The following MSH3 variants were observed in gnomAD, a reference collection of about 807,000 sequenced individuals.
MSH3 encodes the protein mutS homolog 3.
In MSH3, 106 loss-of-function variants were observed where a neutral mutation model predicts 123.3. The ratio of observed to expected loss-of-function variants is 0.86; its 90% confidence interval spans 0.73 to 1.01. The LOEUF (loss-of-function observed/expected upper bound fraction) is 1.01, where lower values mean the gene tolerates loss of function less well. Among genes scored for constraint, MSH3 ranks in the 50% least tolerant of loss-of-function variants. The pLI is 0.00. For missense variants in MSH3, 1,459 were observed against 1,347.6 expected, an observed-to-expected ratio of 1.08 and a Z score of -1.29; for synonymous variants, 515 against 481.4, an observed-to-expected ratio of 1.07 and a Z score of -0.91.
At chr5:80,669,471 A>G (rs965721748) in intron 3 of MSH3, among the ~76,000 whole-genome samples, 2 of 152,232 alleles carry the variant, frequency 1.3e-5, no homozygotes, top group Non-Finnish European at 2.9e-5. Flanking sequence ...AATTGGAATT[A>G]ATTATGGTTC....
At chr5:80,732,469 A>G (rs570646766) in intron 10 of MSH3, among the ~76,000 whole-genome samples, 50 of 152,292 alleles carry the variant, frequency 3.3e-4, no homozygotes, top group African/African-American at 1.1e-3. Flanking sequence ...AGCTACTCTC[A>G]TGACATCTAA....
At chr5:80,776,566 C>A (rs1236154159) in intron 16 of MSH3, among the ~76,000 whole-genome samples, 3 of 151,756 alleles carry the variant, frequency 2.0e-5, no homozygotes. Flanking sequence ...ATAAATTAAT[C>A]AAAAACAAAT....
At chr5:80,841,978 C>T (rs1007605420) in intron 20 of MSH3, among the ~76,000 whole-genome samples, 4 of 152,122 alleles carry the variant, frequency 2.6e-5, no homozygotes, top group Non-Finnish European at 5.9e-5. Flanking sequence ...GAAGTCCTTG[C>T]CCATGCCTAT....
At chr5:80,784,552 A>G (rs1412975186) in intron 17 of MSH3, among the ~76,000 whole-genome samples, 1 of 152,206 alleles carries the variant, frequency 6.6e-6, no homozygotes, top group Non-Finnish European at 1.5e-5. Flanking sequence ...CCTTAGAGTT[A>G]CAAACAATCC....
At chr5:80,739,156 C>G (rs1421565879) in intron 10 of MSH3, among the ~76,000 whole-genome samples, 1 of 152,166 alleles carries the variant, frequency 6.6e-6, no homozygotes, top group Non-Finnish European at 1.5e-5. Flanking sequence ...AACTAGTCAC[C>G]CCTAGGATGG....
At chr5:80,731,355 G>A (rs1743408656) in intron 10 of MSH3, among the ~76,000 whole-genome samples, 1 of 152,084 alleles carries the variant, frequency 6.6e-6, no homozygotes, top group South Asian at 2.1e-4. Flanking sequence ...ATAATTGATG[G>A]TGGAGGATGG....
chr5:80,843,425 A>T (rs907730775), intron 20 of MSH3, among the ~76,000 whole-genome samples: 11 of 152,162 alleles, frequency 7.2e-5, no homozygotes, highest in Non-Finnish European at 1.5e-4. Context: ...TCATAAAATG[A>T]GTTAGGGAGG....
chr5:80,694,354 C>T (rs1323712443), intron 8 of MSH3, among the ~76,000 whole-genome samples: 1 of 152,108 alleles, frequency 6.6e-6, no homozygotes, highest in African/African-American at 2.4e-5. Flanking sequence ...ATATACATAA[C>T]TTATCACAGT....
At chr5:80,731,558 AG>A (rs1447005006) in intron 10 of MSH3, among the ~76,000 whole-genome samples, 2 of 151,884 alleles carry the variant, frequency 1.3e-5, no homozygotes, top group Non-Finnish European at 2.9e-5. Flanking sequence ...TAATGAAAGA[AG>A]GAAGGAATTC....
At chr5:80,790,220 A>G (rs952036315) in intron 18 of MSH3, among the ~76,000 whole-genome samples, 2 of 152,200 alleles carry the variant, frequency 1.3e-5, no homozygotes, top group African/African-American at 4.8e-5. Context: ...TTTGGATGCA[A>G]TCTAAATGTT....
At chr5:80,836,603 C>T (rs934347663) in intron 20 of MSH3, among the ~76,000 whole-genome samples, 4 of 145,842 alleles carry the variant, frequency 2.7e-5, no homozygotes, top group Non-Finnish European at 4.5e-5. Context: ...CTGCTGGGGA[C>T]TGGTTTCAGG....
chr5:80,806,175 A>AGCAACCTCC (rs1353470514), intron 19 of MSH3, among the ~76,000 whole-genome samples: 2 of 151,828 alleles, frequency 1.3e-5, no homozygotes, highest in Admixed American at 1.3e-4. Context: ...CTCGGCTCAC[A>AGCAACCTCC]GCAACCTCCG....
At chr5:80,674,828 C>T (rs1207082559) in intron 6 of MSH3, among the ~76,000 whole-genome samples, 155 bp from the exon 7 acceptor site, 1 of 152,070 alleles carries the variant, frequency 6.6e-6, no homozygotes, top group Non-Finnish European at 1.5e-5. Context: ...AATCCTACCA[C>T]CTTGGCCTCC....
At chr5:80,676,383 A>G (rs6151659) in intron 7 of MSH3, among the ~76,000 whole-genome samples, 18,379 of 152,202 alleles carry the variant, frequency 0.12, 1,563 homozygotes, top group East Asian at 0.34. Flanking sequence ...TTGCTCATTT[A>G]CAGACTTACG....
At chr5:80,814,718 A>G (rs557899559) in intron 20 of MSH3, among the ~76,000 whole-genome samples, 95 of 152,340 alleles carry the variant, frequency 6.2e-4, no homozygotes, top group African/African-American at 2.1e-3. Context: ...CATCCTCCCC[A>G]TTTTAGGTGC....
At chr5:80,753,655 T>C (rs1743875356) in intron 12 of MSH3, among the ~76,000 whole-genome samples, 1 of 152,216 alleles carries the variant, frequency 6.6e-6, no homozygotes, top group African/African-American at 2.4e-5. Context: ...AAAAGTCTAA[T>C]GGCTCTAATG....
At chr5:80,797,656 A>G (rs548205626) in intron 19 of MSH3, among the ~76,000 whole-genome samples, 3 of 152,354 alleles carry the variant, frequency 2.0e-5, no homozygotes, top group South Asian at 4.1e-4. Context: ...CCCAAAACAT[A>G]AACATATTTT....
intron 20 of MSH3, among the ~76,000 whole-genome samples, chr5:80,848,121 C>T (rs1745757248): frequency 6.6e-6 from 1 of 152,168 alleles, no homozygotes; most frequent in South Asian, 2.1e-4. Flanking sequence ...CCCAGCTTCC[C>T]AGCAGGCTGA....
At chr5:80,740,380 C>T (rs775434887) in intron 10 of MSH3, among the ~76,000 whole-genome samples, 4 of 144,610 alleles carry the variant, frequency 2.8e-5, no homozygotes, top group Non-Finnish European at 6.0e-5. Flanking sequence ...TTTTTGGAGA[C>T]GGAGTCACAC....
Sources: gnomAD v4.1 joint callset for allele counts (sites outside exome capture counted in the v4.1 genomes callset) on GRCh38, gnomAD v4.1.1 for gene constraint, MANE v1.5 for transcripts, NCBI Gene and HGNC (gene_info 2026-07-23, HGNC 2026-07-21) for gene names.